Variants in ABCB8 observed in about 807,000 individuals in gnomAD.
ABCB8 encodes the protein mitochondrial potassium channel ATP-binding subunit.
ABCB8 carries 52 observed loss-of-function variants against 73.0 expected under a neutral mutation model. The observed-to-expected ratio is 0.71, with a 90% CI of 0.57 to 0.90. The LOEUF (loss-of-function observed/expected upper bound fraction) is 0.90, where lower values mean the gene tolerates loss of function less well. Ranked by LOEUF, ABCB8 falls within the 40% of genes least tolerant of loss-of-function variation. ABCB8 has a pLI of 0.00. For synonymous variants in ABCB8, 428 were observed against 423.5 expected (o/e 1.01, Z -0.13); for missense variants, 909 against 974.6 (o/e 0.93, Z 0.90).
At chr7:151,031,012 T>C (rs1796147385) in intron 1 of ABCB8, among the ~76,000 whole-genome samples, 1 of 152,206 alleles carries the variant, frequency 6.6e-6, no homozygotes, top group South Asian at 2.1e-4. Context: ...CATTTCCATT[T>C]TGTGTGGCAT....
intron 9 of ABCB8, chr7:151,039,991 G>A (rs1584954923): frequency 2.2e-6 from 1 of 454,252 alleles, no homozygotes; most frequent in South Asian, 2.7e-5. Flanking sequence ...AGAGGCCTGT[G>A]CCTTCACTTC....
In ABCB8 at chr7:151,040,858, G is replaced by A. The variant is rs1327804453; in HGVS notation, c.1419G>A (p.Leu473=). The change falls in exon 12 of 16, where the codon CTG becomes CTA. Residue 473 remains leucine (L), a synonymous_variant. Coordinates refer to ENST00000358849, the MANE Select transcript of ABCB8 (RefSeq NM_007188.5). ...SYPCRPGFEV[L]KDFTLTLPPG... ...CCTGCCGCCCCGGCTTCGAGGTGCT[G>A]AAAGACTTCACCCTGACGCTGCCCC... is the stretch of plus-strand genomic sequence containing the variant. The A allele has an allele frequency of 6.2e-7, 1 of 1,603,096 alleles. No homozygotes were observed. The highest frequency in any genetic ancestry group is 8.5e-7 in the Non-Finnish European group (1 of 1,175,226).
In ABCB8 at chr7:151,041,549, C is replaced by G. The variant is rs555780607; in HGVS notation, c.1617+317C>G. Among the ~76,000 whole-genome samples the G allele has an allele frequency of 2.0e-5, 3 of 152,356 alleles. No homozygotes were observed. In the East Asian group the frequency reaches 5.8e-4, roughly 29 times the overall value. On this transcript the variant is annotated intron_variant, in intron 13 of 15. Transcript: ENST00000358849. ...TCTAGAGAAGCCTATAGTGGAGGTG[C>G]TGAGCTGCAGCCGTTCTCCCTCTGC...
At position 151,033,777 on chromosome 7, in the gene ABCB8, C is replaced by T. The variant is rs768770683; in HGVS notation, c.268C>T (p.Leu90Phe). ...GPMVLSKHPH[L>F]CLVALCEAEE... The stretch of plus-strand genomic sequence containing the variant: ...CATGGTACTGAGTAAGCATCCCCAC[C>T]TCTGCCTTGTGGCCCTGTGTGAGGC... Residue 90 changes from leucine (L) to phenylalanine (F), a missense_variant, in exon 2 of 16, where the codon CTC becomes TTC. Leu to Phe is a conservative substitution (Grantham distance 22, BLOSUM62 0). Transcript: ENST00000358849. 2 of 1,614,126 alleles carry T rather than the reference C, an allele frequency of 1.2e-6. No individual in the cohort carries two copies. The highest frequency in any genetic ancestry group is 1.7e-6 in the Non-Finnish European group (2 of 1,180,002).
intron 1 of ABCB8, chr7:151,029,019 A>G: frequency 8.4e-7 from 1 of 1,189,304 alleles, no homozygotes; most frequent in Non-Finnish European, 1.1e-6. Context: ...GATGTTCAGC[A>G]GGGATAAAGA....
intron 1 of ABCB8, chr7:151,028,865 GC>G: frequency 1.3e-6 from 2 of 1,531,438 alleles, no homozygotes. Flanking sequence ...CAGTGACCAC[GC>G]CCAGTCCGCA....
chr7:151,037,512 T>G (rs1796342788), intron 9 of ABCB8: 1 of 597,638 alleles, frequency 1.7e-6, no homozygotes, highest in South Asian at 2.0e-5. Context: ...CCTATCTCTT[T>G]CCAAGCTAAA....
At chr7:151,037,500 C>T (rs1160576626) in intron 9 of ABCB8, 4 of 600,864 alleles carry the variant, frequency 6.7e-6, no homozygotes, top group South Asian at 5.9e-5. Flanking sequence ...GGCCTCCCCC[C>T]TCCTATCTCT....
rs199573647 is a variant in ABCB8, at chr7:151,042,037, A to G, written c.1694A>G (p.Tyr565Cys). The change falls in exon 14 of 16, where the codon TAC becomes TGC. Residue 565 changes from tyrosine (Y) to cysteine (C), a missense_variant. Transcript: ENST00000358849. ...GKLEASDEEVYTAAREANAHE... is the reference protein window; with the variant it reads ...GKLEASDEEVCTAAREANAHE... ...CTGGAAGCTTCCGATGAAGAGGTGT[A>G]CACAGCCGCCCGGGAAGCGAATGCT... The G allele has an allele frequency of 3.7e-6, 6 of 1,613,168 alleles. No individual in the cohort carries two copies. The highest frequency in any genetic ancestry group is 5.1e-6 in the Non-Finnish European group (6 of 1,180,002).
rs1364050672 is a variant in ABCB8 at position 151,040,556 on chromosome 7, G to T, written c.1310G>T (p.Cys437Phe). ...TTTGAGTACATGGCCCTGAACCCCT[G>T]CATCCCACTGTCTGGGGGCTGCTGC... Reference protein sequence around the residue: ...RVFEYMALNPCIPLSGGCCVP... With the variant: ...RVFEYMALNPFIPLSGGCCVP... The change falls in exon 11 of 16, where the codon TGC (cysteine) becomes TTC (phenylalanine). Residue 437 changes from cysteine to phenylalanine, a missense_variant. By Grantham distance (205) the Cys-to-Phe change is radical (BLOSUM62 -2). Transcript: ENST00000358849. The T allele has an allele frequency of 4.3e-6, 7 of 1,613,352 alleles. No individual in the cohort carries two copies. The highest frequency in any genetic ancestry group is 5.9e-6 in the Non-Finnish European group (7 of 1,179,958).
intron 1 of ABCB8, chr7:151,031,298 G>A (rs551203442): frequency 3.4e-5 from 52 of 1,547,992 alleles, no homozygotes; most frequent in African/African-American, 5.4e-5. Context: ...GAGAGTAAGC[G>A]TCTCTATCTT....
At chr7:151,040,675 C>T (rs1183304811) in intron 11 of ABCB8, 41 bp downstream of exon 11, 46 of 1,602,408 alleles carry the variant, frequency 2.9e-5, no homozygotes, top group Admixed American at 2.0e-4. Context: ...GTCCCTGGGC[C>T]GGGGATGAGG....
chr7:151,034,699 C>T, intron 4 of ABCB8, 25 bp from the exon 5 acceptor site: 3 of 1,612,186 alleles, frequency 1.9e-6, no homozygotes, highest in Non-Finnish European at 2.5e-6. Flanking sequence ...TTCTGCCCTC[C>T]TTATTGGTTC....
At chr7:151,028,874 G>T (rs375095595) in intron 1 of ABCB8, 1 of 1,521,094 alleles carries the variant, frequency 6.6e-7, no homozygotes, top group Non-Finnish European at 8.8e-7. Context: ...CGCCCAGTCC[G>T]CACTCCCGAC....
rs548650554 is a variant in ABCB8, at chr7:151,034,568, A to G, written c.628A>G (p.Met210Val). ...SHVGERMAVD[M>V]RRALFSSLLR... ...CGTTGGCGAGCGCATGGCTGTGGAC[A>G]TGCGGAGGGCCCTCTTCAGCTCCCT... is the stretch of plus-strand genomic sequence containing the variant. The change falls in exon 4 of 16, where the codon ATG becomes GTG. Residue 210 changes from methionine to valine, a missense_variant. Met to Val is a conservative substitution (Grantham distance 21). Coordinates refer to ENST00000358849, the MANE Select transcript of ABCB8 (RefSeq NM_007188.5). 2 of 1,613,654 alleles carry G rather than the reference A, an allele frequency of 1.2e-6. No individual in the cohort carries two copies. Among genetic ancestry groups the G allele is most frequent in the Non-Finnish European group, 1.7e-6 (2 of 1,179,986 alleles).
intron 14 of ABCB8, 27 bp from the exon 15 acceptor site, chr7:151,043,944 G>C (rs1270718368): frequency 1.2e-6 from 2 of 1,603,110 alleles, no homozygotes; most frequent in Non-Finnish European, 1.7e-6. Context: ...ACAGCTTCAG[G>C]CTCCTGCCCT....
intron 8 of ABCB8, 73 bp downstream of exon 8, chr7:151,036,243 A>G: frequency 7.0e-7 from 1 of 1,425,298 alleles, no homozygotes; most frequent in Non-Finnish European, 9.5e-7. Context: ...AAGGCAGGCA[A>G]AGGCCCTCCC....
chr7:151,028,930 C>CGAAAATTCTTATTAGTAT (rs769256561), intron 1 of ABCB8: 87 of 1,363,330 alleles, frequency 6.4e-5, no homozygotes, highest in Non-Finnish European at 8.3e-5. Flanking sequence ...GCGATTTGGA[C>CGAAAATTCTTATTAGTAT]GAAAATTCTT....
At chr7:151,031,268 A>G in intron 1 of ABCB8, 3 of 1,555,648 alleles carry the variant, frequency 1.9e-6, no homozygotes, top group Non-Finnish European at 2.6e-6. Flanking sequence ...GGAAAACTGG[A>G]CAGTTACACA....
Sources: gnomAD v4.1 joint callset for allele counts (sites outside exome capture counted in the v4.1 genomes callset) on GRCh38, gnomAD v4.1.1 for gene constraint, MANE v1.5 for transcripts, NCBI Gene and HGNC (gene_info 2026-07-23, HGNC 2026-07-21) for gene names.